The following DLG2 variants were observed in gnomAD, a reference collection of about 807,000 sequenced individuals.
The protein encoded by DLG2 is disks large homolog 2.
A neutral mutation model predicts 132.5 loss-of-function variants in DLG2; 45 were observed. The ratio of observed to expected loss-of-function variants is 0.34; its 90% confidence interval spans 0.27 to 0.44. The LOEUF (loss-of-function observed/expected upper bound fraction) is 0.44. DLG2 is among the 20% of genes least tolerant of loss of function. The probability of loss-of-function intolerance (pLI) is 1.00; values close to 1 mark genes in which losing one functional copy is unlikely to be tolerated. For synonymous variants in DLG2, 424 were observed against 419.6 expected (o/e 1.01, Z -0.13); for missense variants, 1,045 against 1,196.9 (o/e 0.87, Z 1.87).
rs184314339 is a variant in DLG2, at chr11:84,691,994, T to G, written c.358-157263A>C. Among the ~76,000 whole-genome samples, 120 of 151,948 alleles carry G rather than the reference T, an allele frequency of 7.9e-4. 1 individual carries two copies. Among genetic ancestry groups the G allele is most frequent in the African/African-American group, 2.8e-3 (118 of 41,526 alleles). ...CATTTCTGCCTTTCAGCTCCTTTTGTTAGCTTCCTCTCTCCACATTCAGTA... is the reference window on the plus strand; with the variant it reads ...CATTTCTGCCTTTCAGCTCCTTTTGGTAGCTTCCTCTCTCCACATTCAGTA... On this transcript the variant is annotated intron_variant, in intron 6 of 27. Transcript: ENST00000376104.
intron 12 of DLG2, among the ~76,000 whole-genome samples, chr11:83,972,360 C>T (rs2091487824): frequency 6.6e-6 from 1 of 152,008 alleles, no homozygotes; most frequent in African/African-American, 2.4e-5. Flanking sequence ...AAGAATAATA[C>T]CATGAAGTTG....
intron 3 of DLG2, among the ~76,000 whole-genome samples, chr11:85,504,484 T>G (rs1227008660): frequency 3.3e-5 from 5 of 152,158 alleles, no homozygotes; most frequent in Admixed American, 6.6e-5. Context: ...TTTCCCCATT[T>G]CTTGTTTTTG....
intron 7 of DLG2, among the ~76,000 whole-genome samples, chr11:84,274,828 C>G (rs1053314669): frequency 6.6e-6 from 1 of 152,146 alleles, no homozygotes; most frequent in East Asian, 1.9e-4. Flanking sequence ...ATCAATTCAA[C>G]CAACCTTCTC....
chr11:84,031,617 AG>A (rs1275701790), intron 11 of DLG2, among the ~76,000 whole-genome samples: 1 of 152,196 alleles, frequency 6.6e-6, no homozygotes, highest in Non-Finnish European at 1.5e-5. Flanking sequence ...CAGCATTGAA[AG>A]TTAACGAATG....
intron 3 of DLG2, among the ~76,000 whole-genome samples, chr11:85,406,216 G>A (rs2088716254): frequency 6.6e-6 from 1 of 150,974 alleles, no homozygotes; most frequent in South Asian, 2.1e-4. Context: ...GTGTGCCTCT[G>A]ATAAGAAACC....
chr11:85,350,416 G>T (rs2083196816), intron 3 of DLG2, among the ~76,000 whole-genome samples: 1 of 152,168 alleles, frequency 6.6e-6, no homozygotes, highest in South Asian at 2.1e-4. Context: ...AGTTTAATTA[G>T]ATCCCATTTG....
At chr11:84,748,619 G>A (rs756899055) in intron 6 of DLG2, among the ~76,000 whole-genome samples, 5 of 152,220 alleles carry the variant, frequency 3.3e-5, no homozygotes, top group African/African-American at 7.2e-5. Flanking sequence ...TTCCAAAAGC[G>A]ACCTAAAACA....
At chr11:85,435,177 G>C (rs184399052) in intron 3 of DLG2, among the ~76,000 whole-genome samples, 22 of 152,162 alleles carry the variant, frequency 1.4e-4, no homozygotes, top group Admixed American at 9.2e-4. Context: ...AAAATAATAA[G>C]AGCTATTTAT....
At chr11:85,084,271 C>G (rs1477299395) in intron 6 of DLG2, among the ~76,000 whole-genome samples, 1 of 152,050 alleles carries the variant, frequency 6.6e-6, no homozygotes, top group Non-Finnish European at 1.5e-5. Context: ...GAGATGAAAC[C>G]TAGCACACGA....
At chr11:84,224,277 G>C (rs1405085874) in intron 8 of DLG2, among the ~76,000 whole-genome samples, 1 of 152,224 alleles carries the variant, frequency 6.6e-6, no homozygotes, top group African/African-American at 2.4e-5. Context: ...CCAGCTAACA[G>C]TCAGATGCCC....
chr11:83,608,319 T>C (rs1294425931), intron 19 of DLG2, among the ~76,000 whole-genome samples: 1 of 152,168 alleles, frequency 6.6e-6, no homozygotes, highest in Non-Finnish European at 1.5e-5. Context: ...ATTCCTCATC[T>C]GAAATGCTTG....
intron 6 of DLG2, among the ~76,000 whole-genome samples, chr11:85,059,721 T>C (rs2063832162): frequency 6.6e-6 from 1 of 151,626 alleles, no homozygotes; most frequent in Non-Finnish European, 1.5e-5. Context: ...TAATTTGTCA[T>C]GATAAAAGTC....
intron 18 of DLG2, among the ~76,000 whole-genome samples, chr11:83,699,472 G>A (rs1256281708): frequency 2.6e-5 from 4 of 151,642 alleles, no homozygotes; most frequent in African/African-American, 4.8e-5. Flanking sequence ...TGAGGCAGGC[G>A]GATCACGAGG....
intron 6 of DLG2, among the ~76,000 whole-genome samples, chr11:84,599,262 A>G (rs973028751): frequency 1.3e-5 from 2 of 152,070 alleles, no homozygotes; most frequent in African/African-American, 2.4e-5. Flanking sequence ...AATAATAATA[A>G]TATGATAAAT....
intron 19 of DLG2, among the ~76,000 whole-genome samples, chr11:83,560,831 C>T (rs1565806975): frequency 8.3e-6 from 1 of 119,798 alleles, no homozygotes; most frequent in East Asian, 2.6e-4. Context: ...AGAATAAGTC[C>T]TCCGTAAATC....
At chr11:84,166,483 A>AG (rs2095664598) in intron 8 of DLG2, among the ~76,000 whole-genome samples, 1 of 135,412 alleles carries the variant, frequency 7.4e-6, no homozygotes, top group Non-Finnish European at 1.6e-5. Flanking sequence ...GCCTGGTGAC[A>AG]GAGTAAGACT....
chr11:83,855,826 C>G (rs2060450407), intron 16 of DLG2, among the ~76,000 whole-genome samples: 1 of 151,854 alleles, frequency 6.6e-6, no homozygotes. Context: ...GTGACAGAGA[C>G]TCTGTCTCAA....
chr11:84,691,226 A>G (rs1455618517), intron 6 of DLG2, among the ~76,000 whole-genome samples: 1 of 151,766 alleles, frequency 6.6e-6, no homozygotes, highest in Non-Finnish European at 1.5e-5. Context: ...ATCTTTAATT[A>G]TTTTTAGTAG....
chr11:84,434,729 A>T (rs1405697860), intron 7 of DLG2, among the ~76,000 whole-genome samples: 2 of 152,102 alleles, frequency 1.3e-5, no homozygotes, highest in African/African-American at 4.8e-5. Flanking sequence ...ACAGTAGACA[A>T]GACAACTAGT....
Sources: gnomAD v4.1 joint callset for allele counts (sites outside exome capture counted in the v4.1 genomes callset) on GRCh38, gnomAD v4.1.1 for gene constraint, MANE v1.5 for transcripts, NCBI Gene and HGNC (gene_info 2026-07-23, HGNC 2026-07-21) for gene names.